Variants in USH2A observed in about 807,000 individuals in gnomAD.
USH2A encodes Usher syndrome 2A (autosomal recessive, mild).
USH2A carries 443 observed loss-of-function variants against 538.9 expected under a neutral mutation model. The observed-to-expected ratio is 0.82, with a 90% CI of 0.76 to 0.89. USH2A has a LOEUF of 0.89. Ranked by LOEUF, USH2A falls within the 40% of genes least tolerant of loss-of-function variation. The pLI is 0.00. For missense variants in USH2A, 6,633 were observed against 6,324.8 expected, an observed-to-expected ratio of 1.05 and a Z score of -1.65; for synonymous variants, 2,413 against 2,273.5, an observed-to-expected ratio of 1.06 and a Z score of -1.75.
At chr1:216,124,118 C>A (rs1297502817) in intron 21 of USH2A, among the ~76,000 whole-genome samples, 1 of 152,058 alleles carries the variant, frequency 6.6e-6, no homozygotes, top group Non-Finnish European at 1.5e-5. Flanking sequence ...AAATAGAAAC[C>A]TTTTGTCGCT....
chr1:216,366,290 A>C (rs1571745472), intron 3 of USH2A, among the ~76,000 whole-genome samples: 1 of 152,132 alleles, frequency 6.6e-6, no homozygotes, highest in East Asian at 1.9e-4. Context: ...TCAACATGCT[A>C]TTCTGCTATG....
chr1:216,097,169 C>T lies in USH2A; in HGVS notation c.4672G>A (p.Val1558Ile), dbSNP rs775600356. 2 of 1,614,142 alleles carry T rather than the reference C, an allele frequency of 1.2e-6. No homozygotes were observed. Among genetic ancestry groups the T allele is most frequent in the South Asian group, 1.1e-5 (1 of 91,090 alleles). The change falls in exon 22 of 72, where the codon GTC becomes ATC. Residue 1558 changes from valine to isoleucine, a missense_variant. Transcript: ENST00000307340. ...FRTKVPEGLI[V>I]FAASPGNQEE... ...TGATTGCCAGGTGATGCTGCAAAGA[C>T]AATCAAACCTTCAGGCACTTTTGTT...
rs1202697920 is a variant in USH2A, at chr1:215,735,956, G to C, written c.11711+5419C>G. Among the ~76,000 whole-genome samples, 2 of 152,038 alleles carry C rather than the reference G, an allele frequency of 1.3e-5. 1 individual carries two copies. The highest frequency in any genetic ancestry group is 1.3e-4 in the Admixed American group (2 of 15,258). Reference sequence around the variant, plus strand: ...TTATTTAATTCTTACAGAATTCCAAGAGGCTAATTATCTTTTATATTTACT... The same window carrying C: ...TTATTTAATTCTTACAGAATTCCAACAGGCTAATTATCTTTTATATTTACT... On this transcript the variant is annotated intron_variant, in intron 60 of 71. Transcript: ENST00000307340.
intron 64 of USH2A, among the ~76,000 whole-genome samples, chr1:215,659,962 G>T (rs1042526687): frequency 6.6e-6 from 1 of 152,140 alleles, no homozygotes; most frequent in Non-Finnish European, 1.5e-5. Context: ...TATCCCACAG[G>T]ACTATTTTAA....
chr1:216,324,576 G>T (rs2037692058), intron 6 of USH2A, among the ~76,000 whole-genome samples: 2 of 151,930 alleles, frequency 1.3e-5, no homozygotes, highest in Admixed American at 1.3e-4. Flanking sequence ...AAATCAACAT[G>T]CAAATAAAGA....
chr1:216,344,281 AGT>A (rs2038132544), intron 4 of USH2A, among the ~76,000 whole-genome samples: 1 of 152,136 alleles, frequency 6.6e-6, no homozygotes, highest in African/African-American at 2.4e-5. Context: ...CTCCACAGCT[AGT>A]GTCTGTCAAA....
intron 2 of USH2A, among the ~76,000 whole-genome samples, chr1:216,419,362 T>C (rs940669403): frequency 4.6e-5 from 7 of 152,108 alleles, no homozygotes; most frequent in African/African-American, 1.7e-4. Context: ...TTTGAAAAAC[T>C]AGAAGAGTTT....
chr1:216,246,826 AT>A lies in USH2A; in HGVS notation c.2567del (p.Asn856MetfsTer17), dbSNP rs753670817. ...PCNCDKTGTI[N>X]GSLLCNKSTG... ...TTGATTTGTTACACAGCAGAGAGCC[AT>A]TTATTGTCCCAGTCTTATCACAGTT... On this transcript the variant is annotated frameshift_variant, in exon 13 of 72. Transcript: ENST00000307340. LOFTEE classifies it high-confidence loss of function. 6.2e-7 allele frequency: 1 copy of A among 1,614,176 alleles called. No individual in the cohort carries two copies. The highest frequency in any genetic ancestry group is 8.5e-7 in the Non-Finnish European group (1 of 1,179,988).
At chr1:216,037,712 T>C (rs1429317365) in intron 32 of USH2A, among the ~76,000 whole-genome samples, 1 of 152,002 alleles carries the variant, frequency 6.6e-6, no homozygotes, top group Admixed American at 6.6e-5. Flanking sequence ...AGTTTAGGGG[T>C]ACAAGGGCAG....
chr1:215,918,772 A>G (rs907128162), intron 38 of USH2A, among the ~76,000 whole-genome samples: 1 of 152,136 alleles, frequency 6.6e-6, no homozygotes, highest in Non-Finnish European at 1.5e-5. Flanking sequence ...AAAAATTATG[A>G]TATTCATTTT....
rs144967452 is a variant in USH2A at position 216,347,117 on chromosome 1, T to G, written c.784+17836A>C. On this transcript the variant is annotated intron_variant, in intron 4 of 71. Transcript: ENST00000307340. ...AAGGTCAGAAACTGCTTCTTTGACT[T>G]TTGAAAATTGTTCAATTTACCTACT... is the stretch of plus-strand genomic sequence containing the variant. 4.6e-5 allele frequency among the ~76,000 whole-genome samples: 7 copies of G among 152,216 alleles called. No individual in the cohort carries two copies. The East Asian group carries it at 1.4e-3, about 30-fold the overall frequency.
At chr1:216,258,525 T>G (rs1057168237) in intron 11 of USH2A, among the ~76,000 whole-genome samples, 2 of 152,106 alleles carry the variant, frequency 1.3e-5, no homozygotes, top group Non-Finnish European at 2.9e-5. Context: ...ATCTGCTCTC[T>G]GCAAACTCTA....
intron 21 of USH2A, chr1:216,174,301 T>G (rs1379871379): frequency 1.0e-6 from 1 of 974,690 alleles, no homozygotes; most frequent in Non-Finnish European, 1.2e-6. Flanking sequence ...TACATAATAA[T>G]ATATATCTTA....
rs1310193238 is a variant in USH2A at position 216,327,602 on chromosome 1, T to C, written c.837A>G (p.Ala279=). Residue 279 remains alanine, a synonymous_variant, in exon 5 of 72, where the codon GCA becomes GCG. Transcript: ENST00000307340. ...RMQDFRLYQV[A]LTNREILEVF... ...CAACATCTGCTTACCTGTTTGTAAGTGCCACTTGGTATAATCGAAAATCTT... is the reference window on the plus strand; with the variant it reads ...CAACATCTGCTTACCTGTTTGTAAGCGCCACTTGGTATAATCGAAAATCTT... The C allele has an allele frequency of 1.9e-6, 3 of 1,613,234 alleles. No homozygotes were observed. The highest frequency in any genetic ancestry group is 8.5e-7 in the Non-Finnish European group (1 of 1,179,480).
chr1:216,296,313 A>G (rs1224049775), intron 9 of USH2A, among the ~76,000 whole-genome samples: 1 of 152,042 alleles, frequency 6.6e-6, no homozygotes, highest in Non-Finnish European at 1.5e-5. Flanking sequence ...TTGGAGTGAT[A>G]AAGATTATTT....
chr1:215,927,119 T>C (rs1666257137), intron 38 of USH2A, among the ~76,000 whole-genome samples: 1 of 152,138 alleles, frequency 6.6e-6, no homozygotes, highest in Non-Finnish European at 1.5e-5. Flanking sequence ...AATTAAATAA[T>C]GCTTAAACTG....
intron 9 of USH2A, among the ~76,000 whole-genome samples, chr1:216,305,579 T>A (rs190579278): frequency 0.02 from 2,975 of 151,338 alleles, 104 homozygotes; most frequent in African/African-American, 0.069. Context: ...TGCTTTTTTT[T>A]AAATTGTGTT....
intron 50 of USH2A, among the ~76,000 whole-genome samples, chr1:215,794,711 A>G (rs1370665375): frequency 1.3e-5 from 2 of 152,062 alleles, no homozygotes; most frequent in East Asian, 3.9e-4. Context: ...GCCATGAGAA[A>G]CTCTAGAGCT....
rs573529586 is a variant in USH2A at position 216,283,292 on chromosome 1, A to G, written c.1971+5988T>C. Among the ~76,000 whole-genome samples the G allele has an allele frequency of 9.2e-5, 14 of 152,232 alleles. No homozygotes were observed. In the South Asian group the frequency reaches 2.9e-3, roughly 32 times the overall value. On this transcript the variant is annotated intron_variant, in intron 11 of 71. Transcript: ENST00000307340. Reference sequence around the variant, plus strand: ...TTTGTAATAGAGATGGGGTTTCACCATGTTAGCCAGGATGGTCTCCATCTG... The same window carrying G: ...TTTGTAATAGAGATGGGGTTTCACCGTGTTAGCCAGGATGGTCTCCATCTG...
Sources: gnomAD v4.1 joint callset for allele counts (sites outside exome capture counted in the v4.1 genomes callset) on GRCh38, gnomAD v4.1.1 for gene constraint, MANE v1.5 for transcripts, NCBI Gene and HGNC (gene_info 2026-07-23, HGNC 2026-07-21) for gene names.